Variants in NUP98 observed in about 807,000 individuals in gnomAD.
The protein encoded by NUP98 is nucleoporin 98 and 96 precursor.
NUP98 carries 26 observed loss-of-function variants against 191.9 expected under a neutral mutation model. The ratio of observed to expected loss-of-function variants is 0.14; its 90% CI spans 0.10 to 0.19. The LOEUF is 0.19. Ranked by LOEUF, NUP98 falls within the 10% of genes least tolerant of loss-of-function variation. NUP98 has a pLI of 1.00. For missense variants in NUP98, 1,941 were observed against 2,178.8 expected (o/e 0.89, Z 2.17); for synonymous variants, 808 against 778.4 (o/e 1.04, Z -0.63).
chr11:3,745,702 C>T (rs2080464922), intron 11 of NUP98, among the ~76,000 whole-genome samples: 1 of 152,132 alleles, frequency 6.6e-6, no homozygotes, highest in African/African-American at 2.4e-5. Flanking sequence ...AATCCTCCCA[C>T]CTTAGCCTCT....
chr11:3,721,695 G>A (rs547512601), intron 16 of NUP98, among the ~76,000 whole-genome samples: 11 of 147,744 alleles, frequency 7.4e-5, no homozygotes, highest in Non-Finnish European at 1.4e-4. Context: ...AGTGAAACTC[G>A]GAAGGAAGGG....
chr11:3,788,034 C>T (rs748977958), intron 1 of NUP98, among the ~76,000 whole-genome samples: 2 of 152,002 alleles, frequency 1.3e-5, no homozygotes, highest in Non-Finnish European at 2.9e-5. Flanking sequence ...TTTCCAACCC[C>T]GATTACGTAA....
In NUP98 at chr11:3,727,815, G is replaced by A. The variant is rs1483735610; in HGVS notation, c.1731-2596C>T. Among the ~76,000 whole-genome samples, 6 of 152,000 alleles carry A rather than the reference G, an allele frequency of 3.9e-5. 1 individual carries two copies. The highest frequency in any genetic ancestry group is 2.0e-4 in the Admixed American group (3 of 15,242). On this transcript the variant is annotated intron_variant, in intron 14 of 32. Coordinates refer to ENST00000324932, the MANE Select transcript of NUP98 (RefSeq NM_016320.5). Reference sequence around the variant, plus strand: ...GAGGTGGCAGGATCACTTGAAGCTAGGAGTTTGAGACCAGCCTGGGCAACA... The same window carrying A: ...GAGGTGGCAGGATCACTTGAAGCTAAGAGTTTGAGACCAGCCTGGGCAACA...
chr11:3,701,255 ATTTTTTT>A (rs71041374), intron 23 of NUP98, among the ~76,000 whole-genome samples: 3 of 125,860 alleles, frequency 2.4e-5, no homozygotes, highest in East Asian at 2.2e-4. Flanking sequence ...GCTTGTTCCA[ATTTTTTT>A]TTTTTTTTTT....
chr11:3,716,004 T>A (rs1042634761), intron 18 of NUP98, among the ~76,000 whole-genome samples: 2 of 152,218 alleles, frequency 1.3e-5, no homozygotes, highest in African/African-American at 4.8e-5. Context: ...CAAATATGAT[T>A]GGCATATATT....
intron 9 of NUP98, among the ~76,000 whole-genome samples, chr11:3,761,390 G>A (rs928815189): frequency 6.6e-5 from 10 of 152,130 alleles, no homozygotes; most frequent in Admixed American, 6.6e-4. Flanking sequence ...ATTCTGAAAG[G>A]CCAAGGCGGA....
rs1459902017 is a variant in NUP98 at position 3,693,328 on chromosome 11, C to G, written c.4215G>C (p.Leu1405Phe). The G allele has an allele frequency of 6.2e-7, 1 of 1,614,106 alleles. No homozygotes were observed. The highest frequency in any genetic ancestry group is 2.2e-5 in the East Asian group (1 of 44,884). ...GGATAGCCAGGGAGCGTTTCCAATCCAACTGGGAGCACACGTTTATTTGCT... is the reference window on the plus strand; with the variant it reads ...GGATAGCCAGGGAGCGTTTCCAATCGAACTGGGAGCACACGTTTATTTGCT... ...EKKQINVCSQ[L>F]DWKRSLAIHL... Residue 1405 changes from leucine (L) to phenylalanine (F), a missense_variant, in exon 27 of 33, where the codon TTG becomes TTC. Leu to Phe is a conservative substitution (Grantham distance 22). This residue lies in a region of NUP98 where 1,030 missense variants were observed against 1,115.8 expected (regional missense o/e 0.92). Transcript: ENST00000324932.
At chr11:3,773,571 A>G (rs2081604457) in intron 6 of NUP98, 61 bp downstream of exon 6, 6 of 1,073,098 alleles carry the variant, frequency 5.6e-6, no homozygotes, top group Non-Finnish European at 1.4e-6. Flanking sequence ...ACCATTTTTA[A>G]AAGCTGCATT....
intron 29 of NUP98, among the ~76,000 whole-genome samples, chr11:3,684,307 C>T (rs2078070993): frequency 6.6e-6 from 1 of 152,182 alleles, no homozygotes; most frequent in African/African-American, 2.4e-5. Flanking sequence ...TGGCTCGGCG[C>T]AGTGGCTCAC....
chr11:3,700,431 A>C (rs951034322), intron 24 of NUP98, among the ~76,000 whole-genome samples, 179 bp downstream of exon 24: 1 of 152,216 alleles, frequency 6.6e-6, no homozygotes, highest in Non-Finnish European at 1.5e-5. Context: ...CAAAGTGACA[A>C]GAACATAGTG....
chr11:3,781,045 G>T (rs1011243299), intron 2 of NUP98, among the ~76,000 whole-genome samples: 2 of 151,996 alleles, frequency 1.3e-5, no homozygotes, highest in African/African-American at 4.8e-5. Context: ...AATGAGCCAG[G>T]CGTGGTGGTG....
At chr11:3,750,501 G>A (rs1047342255) in intron 11 of NUP98, among the ~76,000 whole-genome samples, 1 of 152,216 alleles carries the variant, frequency 6.6e-6, no homozygotes, top group African/African-American at 2.4e-5. Flanking sequence ...ATGTAAGACA[G>A]TGCTTTCAAA....
chr11:3,712,302 A>G (rs1294904433), intron 20 of NUP98: 29 of 1,240,416 alleles, frequency 2.3e-5, no homozygotes, highest in Non-Finnish European at 2.9e-5. Context: ...GCAAGTCCAA[A>G]TGAGAGAGAA....
rs1238451300 is a variant in NUP98 at position 3,698,225 on chromosome 11, TCA to T, written c.4009+855_4009+856del. Among the ~76,000 whole-genome samples, 5 of 152,308 alleles carry T rather than the reference TCA, an allele frequency of 3.3e-5. No individual in the cohort carries two copies. The South Asian group carries it at 1.0e-3, about 32-fold the overall frequency. On this transcript the variant is annotated intron_variant, in intron 25 of 32. Coordinates refer to ENST00000324932, the MANE Select transcript of NUP98 (RefSeq NM_016320.5). ...CCTTTGAAAAGTTCACAAGCATATG[TCA>T]CAGTGTCTGGACATATTTGTATGTA...
At chr11:3,735,966 G>C (rs575375123) in intron 12 of NUP98, among the ~76,000 whole-genome samples, 12 of 151,822 alleles carry the variant, frequency 7.9e-5, no homozygotes, top group African/African-American at 2.7e-4. Context: ...GTAGTGGCAT[G>C]ATCTTGGCTT....
At chr11:3,774,235 T>C (rs972103073) in intron 5 of NUP98, among the ~76,000 whole-genome samples, 1 of 146,106 alleles carries the variant, frequency 6.8e-6, no homozygotes, top group Non-Finnish European at 1.5e-5. Flanking sequence ...CCGTCTCTAC[T>C]AAAAAATAAA....
chr11:3,749,380 T>G (rs2080652586), intron 11 of NUP98, among the ~76,000 whole-genome samples: 1 of 151,974 alleles, frequency 6.6e-6, no homozygotes, highest in Admixed American at 6.6e-5. Context: ...ATCCCAGCAC[T>G]TTGGGAGGCC....
At chr11:3,784,192 C>G (rs917786423) in intron 1 of NUP98, among the ~76,000 whole-genome samples, 2 of 152,180 alleles carry the variant, frequency 1.3e-5, no homozygotes, top group African/African-American at 4.8e-5. Context: ...TTGAGGTCTT[C>G]CCCAAATTCT....
At chr11:3,715,473 T>A (rs1407996941) in intron 18 of NUP98, among the ~76,000 whole-genome samples, 1 of 152,046 alleles carries the variant, frequency 6.6e-6, no homozygotes, top group Non-Finnish European at 1.5e-5. Context: ...GGGTATGGTA[T>A]CTCATTGTAG....
Sources: allele counts gnomAD v4.1 joint callset (sites outside exome capture counted in the v4.1 genomes callset), GRCh38; gene constraint gnomAD v4.1.1; regional missense constraint gnomAD v4.1.1; transcripts MANE v1.5; gene names NCBI Gene and HGNC (gene_info 2026-07-23, HGNC 2026-07-21).